The following THAP4 variants were observed in gnomAD, a reference collection of about 807,000 sequenced individuals.
THAP4 encodes the protein peroxynitrite isomerase THAP4.
Under a neutral mutation model 48.1 loss-of-function variants are expected in THAP4, and 18 were observed. That is an observed-to-expected ratio of 0.37 (90% CI 0.26 to 0.56). THAP4 has a LOEUF of 0.56. THAP4 is among the 20% of genes least tolerant of loss of function. The probability of loss-of-function intolerance (pLI) is 0.78; values close to 1 mark genes in which losing one functional copy is unlikely to be tolerated. For synonymous variants in THAP4, 345 were observed against 324.9 expected (o/e 1.06, Z -0.66); for missense variants, 656 against 774.9 (o/e 0.85, Z 1.82).
chr2:241,590,190 T>C (rs894666247), intron 5 of THAP4, among the ~76,000 whole-genome samples: 2 of 125,448 alleles, frequency 1.6e-5, no homozygotes, highest in African/African-American at 3.1e-5. Context: ...CTGATGATAA[T>C]GGGCACTAGG....
At chr2:241,622,956 G>A (rs1203220614) in intron 2 of THAP4, among the ~76,000 whole-genome samples, 2 of 152,084 alleles carry the variant, frequency 1.3e-5, no homozygotes, top group African/African-American at 2.4e-5. Context: ...GGTGGCTCAC[G>A]GCTGTAATCC....
At position 241,626,946 on chromosome 2, in the gene THAP4, CAT is replaced by C. The variant is rs537663673; in HGVS notation, c.1240+5969_1240+5970del. ...CAGATTAGTGTAATAAATCCACACA[CAT>C]GTCCCTAGTTTCACCATTTATCACT... is the stretch of plus-strand genomic sequence containing the variant. On this transcript the variant is annotated intron_variant, in intron 2 of 5. Transcript: ENST00000407315. Among the ~76,000 whole-genome samples, 509 of 152,330 alleles carry C rather than the reference CAT, an allele frequency of 3.3e-3. 3 individuals carry two copies. Among genetic ancestry groups the C allele is most frequent in the African/African-American group, 0.011 (468 of 41,558 alleles).
chr2:241,632,733 A>G (rs1040785064), intron 2 of THAP4, among the ~76,000 whole-genome samples, 184 bp downstream of exon 2: 5 of 152,202 alleles, frequency 3.3e-5, no homozygotes, highest in Non-Finnish European at 7.3e-5. Context: ...GACCAGGTGC[A>G]GTGAGGCCTG....
At chr2:241,608,806 C>T (rs760469113) in intron 2 of THAP4, among the ~76,000 whole-genome samples, 7 of 152,206 alleles carry the variant, frequency 4.6e-5, no homozygotes, top group Non-Finnish European at 7.3e-5. Context: ...TGTTGGGGCA[C>T]TGTGAAAACC....
rs575046657 is a variant in THAP4, at chr2:241,634,136, A to T, written c.78-57T>A. On this transcript the variant is annotated intron_variant, in intron 1 of 5. Transcript: ENST00000407315. ...ATAATTAAATGTCTCCCCTTAAAAT[A>T]ATCAACTGTAAAAGCAAAACAAGTA... The T allele has an allele frequency of 5.6e-5, 76 of 1,356,146 alleles. No individual in the cohort carries two copies. In the African/African-American group the frequency reaches 1.1e-3, roughly 19 times the overall value. The allele number at this position is 1,356,146 out of a possible 1,614,324, so 84.0% of individuals were successfully genotyped here.
chr2:241,617,556 G>A, intron 2 of THAP4: 3 of 1,173,516 alleles, frequency 2.6e-6, no homozygotes, highest in Non-Finnish European at 3.6e-6. Flanking sequence ...TCTGGGAATT[G>A]TAGTTCCACT....
At chr2:241,621,458 A>G (rs1315645825) in intron 2 of THAP4, among the ~76,000 whole-genome samples, 1 of 152,210 alleles carries the variant, frequency 6.6e-6, no homozygotes, top group Non-Finnish European at 1.5e-5. Context: ...AGTGATGGAC[A>G]AAAGAACAAA....
Position 241,619,172 on chromosome 2 carries a change from G to A in THAP4, c.1241-12699C>T, listed in dbSNP as rs147824851. On this transcript the variant is annotated intron_variant, in intron 2 of 5. Coordinates refer to ENST00000407315, the MANE Select transcript of THAP4 (RefSeq NM_015963.6). ...TGGGAGTGGAAAGGGCCCAGGCGCAGGCTGTGGAAGGCATGCTCGGAGAAA... is the reference window on the plus strand; with the variant it reads ...TGGGAGTGGAAAGGGCCCAGGCGCAAGCTGTGGAAGGCATGCTCGGAGAAA... 6.7e-3 allele frequency among the ~76,000 whole-genome samples: 1,020 copies of A among 152,330 alleles called. 17 individuals carry two copies. The highest frequency in any genetic ancestry group is 0.023 in the African/African-American group (968 of 41,564).
chr2:241,619,756 T>C (rs28458972), intron 2 of THAP4, among the ~76,000 whole-genome samples: 100,470 of 111,854 alleles, frequency 0.9, 44,715 homozygotes, highest in East Asian at 0.94. Flanking sequence ...GTGAGTGAGT[T>C]GGTGAGTGAG....
Position 241,610,044 on chromosome 2 carries a change from C to G in THAP4, c.1241-3571G>C, listed in dbSNP as rs1010256097. 6.6e-6 allele frequency among the ~76,000 whole-genome samples: 1 copy of G among 152,142 alleles called. No homozygotes were observed. The highest frequency in any genetic ancestry group is 2.4e-5 in the African/African-American group (1 of 41,434). On this transcript the variant is annotated intron_variant, in intron 2 of 5. Transcript: ENST00000407315. The surrounding 1 kb of genome is among the most constrained non-coding windows in gnomAD (Gnocchi z 4.2). ...GGCCGCGATCTCCACCCCTCACGCC[C>G]GAGTCCCCGGCACGGCCACCACCGG... is the stretch of plus-strand genomic sequence containing the variant.
chr2:241,637,438 G>T (rs1313874970), upstream of THAP4: 2 of 1,471,686 alleles, frequency 1.4e-6, no homozygotes, highest in Non-Finnish European at 1.8e-6. Context: ...TCTAAGAGGA[G>T]GAAGCGCCAC....
chr2:241,609,852 G>A (rs956031851), intron 2 of THAP4, among the ~76,000 whole-genome samples: 1 of 152,218 alleles, frequency 6.6e-6, no homozygotes, highest in African/African-American at 2.4e-5. Flanking sequence ...GGCCTGTGCG[G>A]AGCACACCCC....
intron 2 of THAP4, among the ~76,000 whole-genome samples, chr2:241,607,910 G>T (rs2067206219): frequency 7.6e-6 from 1 of 131,848 alleles, no homozygotes; most frequent in Non-Finnish European, 1.6e-5. Flanking sequence ...AGCTGACGGG[G>T]ACAGGATCAG....
chr2:241,602,235 C>G lies in THAP4; in HGVS notation c.1511-236G>C, dbSNP rs2067123795. The G allele has an allele frequency of 5.4e-6, 3 of 557,746 alleles. No homozygotes were observed. In the South Asian group the frequency reaches 7.0e-5, roughly 13 times the overall value. The allele number at this position is 557,746 out of a possible 1,614,324, so 34.5% of individuals were successfully genotyped here. A position where few individuals can be genotyped will look rare whatever the true frequency, so the allele number is the denominator to read the frequency against. ...AGGCCACCCTCTCCAGACTGGGCCCCAGCCCTCCCACCTCCACCCACCAAT... is the reference window on the plus strand; with the variant it reads ...AGGCCACCCTCTCCAGACTGGGCCCGAGCCCTCCCACCTCCACCCACCAAT... On this transcript the variant is annotated intron_variant, in intron 4 of 5. Coordinates refer to ENST00000407315, the MANE Select transcript of THAP4 (RefSeq NM_015963.6).
Position 241,610,040 on chromosome 2 carries a change from C to T in THAP4, c.1241-3567G>A, listed in dbSNP as rs191094303. ...CCGGGGCCGCGATCTCCACCCCTCA[C>T]GCCCGAGTCCCCGGCACGGCCACCA... On this transcript the variant is annotated intron_variant, in intron 2 of 5. Transcript: ENST00000407315. The surrounding 1 kb of genome is among the most constrained non-coding windows in gnomAD (Gnocchi z 4.2). 6.6e-6 allele frequency among the ~76,000 whole-genome samples: 1 copy of T among 152,236 alleles called. No homozygotes were observed. The highest frequency in any genetic ancestry group is 2.1e-4 in the South Asian group (1 of 4,838).
intron 5 of THAP4, 23 bp from the exon 6 acceptor site, chr2:241,584,748 G>A (rs771401706): frequency 3.1e-6 from 5 of 1,614,024 alleles, no homozygotes; most frequent in Admixed American, 1.7e-5. Flanking sequence ...ATGGAACAAA[G>A]ATAGCTTAGT....
At position 241,619,404 on chromosome 2, in the gene THAP4, C is replaced by T. The variant is rs1221525837; in HGVS notation, c.1241-12931G>A. Among the ~76,000 whole-genome samples the T allele has an allele frequency of 2.6e-5, 4 of 152,202 alleles. 1 individual carries two copies. The highest frequency in any genetic ancestry group is 2.1e-4 in the South Asian group (1 of 4,834). The stretch of plus-strand genomic sequence containing the variant: ...TGAGGCAAGTTCATCATTGTACAAA[C>T]GTCACAGAGTGCACTTACCGCGTAC... On this transcript the variant is annotated intron_variant, in intron 2 of 5. Coordinates refer to ENST00000407315, the MANE Select transcript of THAP4 (RefSeq NM_015963.6).
intron 2 of THAP4, 34 bp from the exon 3 acceptor site, chr2:241,606,507 C>A: frequency 6.4e-7 from 1 of 1,556,164 alleles, no homozygotes. Flanking sequence ...TCAGTGGCCT[C>A]CCTCCAACCA....
intron 2 of THAP4, among the ~76,000 whole-genome samples, chr2:241,607,695 GCAGAAGACGGA>G (rs1307637765): frequency 6.7e-6 from 1 of 148,188 alleles, no homozygotes; most frequent in Non-Finnish European, 1.5e-5. Context: ...GCCCGCGCAA[GCAGAAGACGGA>G]CTGACGGGGA....
Sources: allele counts gnomAD v4.1 joint callset (sites outside exome capture counted in the v4.1 genomes callset), GRCh38; gene constraint gnomAD v4.1.1; non-coding constraint Gnocchi (gnomAD v3.1); transcripts MANE v1.5; gene names NCBI Gene and HGNC (gene_info 2026-07-23, HGNC 2026-07-21).